SPPL2A: variants seen among roughly 807,000 people sequenced by gnomAD.
SPPL2A encodes the protein signal peptide peptidase like 2A.
SPPL2A carries 51 observed loss-of-function variants against 63.8 expected under a neutral mutation model. That is an observed-to-expected ratio of 0.80 (90% CI 0.64 to 1.01). The LOEUF (loss-of-function observed/expected upper bound fraction) is 1.01, where lower values mean the gene tolerates loss of function less well. Ranked by LOEUF, SPPL2A falls within the 50% of genes least tolerant of loss-of-function variation. SPPL2A has a pLI of 0.00. For synonymous variants in SPPL2A, 188 were observed against 205.8 expected, an observed-to-expected ratio of 0.91 and a Z score of 0.74; for missense variants, 553 against 622.7, an observed-to-expected ratio of 0.89 and a Z score of 1.19.
chr15:50,756,742 G>A (rs1228942431), intron 1 of SPPL2A, among the ~76,000 whole-genome samples: 1 of 151,978 alleles, frequency 6.6e-6, no homozygotes, highest in Non-Finnish European at 1.5e-5. Flanking sequence ...TCATTTAAGA[G>A]GTAGAAGGGA....
intron 12 of SPPL2A, among the ~76,000 whole-genome samples, chr15:50,723,301 A>G (rs1371411068): frequency 6.6e-6 from 1 of 152,176 alleles, no homozygotes; most frequent in Admixed American, 6.6e-5. Context: ...TAATCCCACT[A>G]CTGGGTATAT....
intron 14 of SPPL2A, among the ~76,000 whole-genome samples, chr15:50,715,339 A>G (rs2062592550): frequency 6.6e-6 from 1 of 152,154 alleles, no homozygotes; most frequent in Non-Finnish European, 1.5e-5. Context: ...GCATTTGTTC[A>G]CTGGGAATAC....
chr15:50,761,541 G>A (rs1045605951), intron 1 of SPPL2A, among the ~76,000 whole-genome samples: 4 of 151,698 alleles, frequency 2.6e-5, no homozygotes, highest in Admixed American at 6.6e-5. Flanking sequence ...GCTTGTACCC[G>A]GGAAGCAGAG....
At chr15:50,729,922 C>T (rs1468464416) in intron 10 of SPPL2A, among the ~76,000 whole-genome samples, 1 of 150,914 alleles carries the variant, frequency 6.6e-6, no homozygotes, top group Non-Finnish European at 1.5e-5. Context: ...GACTCCTGGG[C>T]TTGAGCCCAG....
At chr15:50,712,153 T>C (rs755281514) in intron 14 of SPPL2A, among the ~76,000 whole-genome samples, 2 of 152,208 alleles carry the variant, frequency 1.3e-5, no homozygotes, top group Non-Finnish European at 2.9e-5. Flanking sequence ...GCATTGTGGA[T>C]TCCTAATACG....
At chr15:50,761,926 C>T (rs1486509201) in intron 1 of SPPL2A, among the ~76,000 whole-genome samples, 1 of 151,270 alleles carries the variant, frequency 6.6e-6, no homozygotes, top group Non-Finnish European at 1.5e-5. Flanking sequence ...AGCAAGACTC[C>T]ATCTCAACAA....
chr15:50,737,470 T>A (rs2062780159), intron 6 of SPPL2A, among the ~76,000 whole-genome samples: 1 of 152,158 alleles, frequency 6.6e-6, no homozygotes, highest in Non-Finnish European at 1.5e-5. Flanking sequence ...GTTTTTTTTT[T>A]GAGATGGAGT....
chr15:50,748,964 T>C, intron 2 of SPPL2A, 94 bp from the exon 3 acceptor site: 2 of 675,036 alleles, frequency 3.0e-6, no homozygotes, highest in Non-Finnish European at 4.8e-6. Context: ...TCAATATTGG[T>C]TTAAGACAAT....
chr15:50,724,041 G>A (rs1477937122), intron 12 of SPPL2A, among the ~76,000 whole-genome samples: 1 of 152,092 alleles, frequency 6.6e-6, no homozygotes, highest in Admixed American at 6.6e-5. Flanking sequence ...TGTGGAAATG[G>A]TAAAATCAGG....
intron 10 of SPPL2A, among the ~76,000 whole-genome samples, chr15:50,729,748 A>G (rs1306003588): frequency 6.6e-6 from 1 of 152,248 alleles, no homozygotes; most frequent in East Asian, 1.9e-4. Flanking sequence ...TAGCTCCCCA[A>G]TAGGGTACAG....
chr15:50,753,650 T>A (rs1404768647), intron 1 of SPPL2A, among the ~76,000 whole-genome samples: 1 of 152,204 alleles, frequency 6.6e-6, no homozygotes, highest in Non-Finnish European at 1.5e-5. Context: ...ATTAATCTCT[T>A]AATAAATATA....
chr15:50,707,966 C>T (rs1238215573), intron 14 of SPPL2A, 92 bp from the exon 15 acceptor site: 2 of 733,892 alleles, frequency 2.7e-6, no homozygotes, highest in African/African-American at 3.5e-5. Flanking sequence ...TTCTAAAAAA[C>T]ACAGATTGCT....
Position 50,718,179 on chromosome 15 carries a change from G to A in SPPL2A, c.1488+1761C>T, listed in dbSNP as rs567722921. Among the ~76,000 whole-genome samples, 16 of 151,686 alleles carry A rather than the reference G, an allele frequency of 1.1e-4. No homozygotes were observed. In the South Asian group the frequency reaches 2.9e-3, roughly 28 times the overall value. On this transcript the variant is annotated intron_variant, in intron 14 of 14. Coordinates refer to ENST00000261854, the MANE Select transcript of SPPL2A (RefSeq NM_032802.4). ...TTTTTAGTGGAGATGGAGTTTCACC[G>A]TGTTAGCCAGGATGGTCTCGATCTC... is the stretch of plus-strand genomic sequence containing the variant.
rs566258042 is a variant in SPPL2A at position 50,757,536 on chromosome 15, C to T, written c.67-7790G>A. Among the ~76,000 whole-genome samples, 9 of 152,222 alleles carry T rather than the reference C, an allele frequency of 5.9e-5. No homozygotes were observed. In the East Asian group the frequency reaches 1.5e-3, roughly 26 times the overall value. ...CAGACTGGTCCTGGAATCGAGTGTC[C>T]TCCAGGGCCATCAAATCAAGCTCAC... is the stretch of plus-strand genomic sequence containing the variant. On this transcript the variant is annotated intron_variant, in intron 1 of 14. Transcript: ENST00000261854.
At chr15:50,754,532 T>G (rs565210257) in intron 1 of SPPL2A, among the ~76,000 whole-genome samples, 2 of 152,172 alleles carry the variant, frequency 1.3e-5, no homozygotes, top group Admixed American at 1.3e-4. Flanking sequence ...ATGGGTGAAT[T>G]GTTTGGTATG....
intron 11 of SPPL2A, 164 bp from the exon 12 acceptor site, chr15:50,725,487 C>T: frequency 2.1e-6 from 1 of 484,522 alleles, no homozygotes; most frequent in Non-Finnish European, 3.6e-6. Flanking sequence ...GGCGTGATCT[C>T]AGCTCACTGC....
intron 1 of SPPL2A, among the ~76,000 whole-genome samples, chr15:50,757,100 T>TTTTTTTTTTTTTTTTTA (rs1596399662): frequency 1.1e-4 from 16 of 149,542 alleles, no homozygotes; most frequent in South Asian, 4.2e-4. Context: ...TTTTTTTTTT[T>TTTTTTTTTTTTTTTTTA]GAGACAGAGT....
At chr15:50,712,964 A>G (rs568108564) in intron 14 of SPPL2A, among the ~76,000 whole-genome samples, 49 of 151,790 alleles carry the variant, frequency 3.2e-4, no homozygotes, top group Admixed American at 2.2e-3. Context: ...GATTACAGGC[A>G]TGAGCCATCA....
At chr15:50,756,631 A>G (rs1408212300) in intron 1 of SPPL2A, among the ~76,000 whole-genome samples, 1 of 152,150 alleles carries the variant, frequency 6.6e-6, no homozygotes, top group Non-Finnish European at 1.5e-5. Context: ...CATACCTGGA[A>G]TCCCAGCACA....
Sources: gnomAD v4.1 joint callset for allele counts (sites outside exome capture counted in the v4.1 genomes callset) on GRCh38, gnomAD v4.1.1 for gene constraint, MANE v1.5 for transcripts, NCBI Gene and HGNC (gene_info 2026-07-23, HGNC 2026-07-21) for gene names.